FBN2: variants seen among roughly 807,000 people sequenced by gnomAD.
The protein encoded by FBN2 is fibrillin 2.
Under a neutral mutation model 355.6 loss-of-function variants are expected in FBN2, and 105 were observed. That is an observed-to-expected ratio of 0.30 (90% CI 0.25 to 0.35). FBN2 has a LOEUF of 0.35. FBN2 is among the 10% of genes least tolerant of loss of function. The pLI, the probability that FBN2 is intolerant of heterozygous loss-of-function variation, is 1.00. For missense variants in FBN2, 3,280 were observed against 3,758.7 expected, an observed-to-expected ratio of 0.87 and a Z score of 3.33; for synonymous variants, 1,350 against 1,301.2, an observed-to-expected ratio of 1.04 and a Z score of -0.81.
At chr5:128,335,424 G>A in intron 29 of FBN2, 31 bp downstream of exon 29, 3 of 1,613,902 alleles carry the variant, frequency 1.9e-6, no homozygotes, top group South Asian at 2.2e-5. Context: ...TTAGTTAGAT[G>A]TACAAAACCT....
In FBN2 at chr5:128,320,216, T is replaced by C. The variant is rs1465318788; in HGVS notation, c.4472-1215A>G. On this transcript the variant is annotated intron_variant, in intron 34 of 64. Transcript: ENST00000262464. ...GGAATTGTATTATTATCCTTCTGAC[T>C]ATGCATTTTTTTTTTTTTCAGACAG... 2.7e-5 allele frequency among the ~76,000 whole-genome samples: 4 copies of C among 150,910 alleles called. No individual in the cohort carries two copies. In the South Asian group the frequency reaches 6.4e-4, roughly 24 times the overall value.
chr5:128,278,066 T>G, intron 57 of FBN2, 61 bp from the exon 58 acceptor site: 1 of 1,568,668 alleles, frequency 6.4e-7, no homozygotes, highest in Non-Finnish European at 8.8e-7. Flanking sequence ...TAAAACTGGT[T>G]AGAATCAAAG....
At chr5:128,387,847 A>G (rs923525299) in intron 11 of FBN2, among the ~76,000 whole-genome samples, 1 of 152,100 alleles carries the variant, frequency 6.6e-6, no homozygotes, top group Non-Finnish European at 1.5e-5. Flanking sequence ...TTCTGTAGAT[A>G]TCTGTTGAGT....
At chr5:128,418,271 A>T (rs930256062) in intron 7 of FBN2, among the ~76,000 whole-genome samples, 2 of 152,186 alleles carry the variant, frequency 1.3e-5, no homozygotes, top group African/African-American at 4.8e-5. Context: ...TTTATCAATC[A>T]TGTTTATCTT....
chr5:128,512,439 G>C (rs1451386378), intron 5 of FBN2, among the ~76,000 whole-genome samples: 1 of 150,862 alleles, frequency 6.6e-6, no homozygotes, highest in Non-Finnish European at 1.5e-5. Context: ...CTTGAACCGG[G>C]GAGGCGGAGA....
chr5:128,271,254 C>A (rs1337615923), intron 62 of FBN2, among the ~76,000 whole-genome samples: 1 of 152,164 alleles, frequency 6.6e-6, no homozygotes, highest in South Asian at 2.1e-4. Context: ...ACCACAGTGC[C>A]CCTTTCTGCT....
At chr5:128,390,441 G>C (rs1752481972) in intron 11 of FBN2, among the ~76,000 whole-genome samples, 1 of 152,096 alleles carries the variant, frequency 6.6e-6, no homozygotes, top group South Asian at 2.1e-4. Flanking sequence ...CTTAGCACAG[G>C]TTAAGGCAAT....
rs201071253 is a variant in FBN2 at position 128,311,931 on chromosome 5, G to A, written c.4902C>T (p.Pro1634=). The A allele has an allele frequency of 1.2e-4, 201 of 1,611,324 alleles. No individual in the cohort carries two copies. Among genetic ancestry groups the A allele is most frequent in the Middle Eastern group, 6.6e-4 (4 of 6,076 alleles). ...GGTTAGGTCTGAAGCCTTCACCTCC[G>A]GGACACAGGGTGTAATATTCAGCTA... ...VNSTEYYTLC[P]GGEGFRPNPI... The change falls in exon 38 of 65, where the codon CCC becomes CCT. Residue 1634 remains proline, a synonymous_variant. Transcript: ENST00000262464.
intron 47 of FBN2, among the ~76,000 whole-genome samples, chr5:128,301,170 G>A (rs1276759908): frequency 6.6e-6 from 1 of 152,166 alleles, no homozygotes; most frequent in East Asian, 1.9e-4. Context: ...GACATGGACA[G>A]CCTCAAGCTC....
chr5:128,300,963 A>G, intron 47 of FBN2, 27 bp from the exon 48 acceptor site: 1 of 1,607,774 alleles, frequency 6.2e-7, no homozygotes, highest in Non-Finnish European at 8.5e-7. Context: ...GAGAAAAAAT[A>G]ATTTAAGCAT....
At chr5:128,446,455 A>G (rs1252586780) in intron 7 of FBN2, 26 bp downstream of exon 7, 1 of 1,612,434 alleles carries the variant, frequency 6.2e-7, no homozygotes, top group South Asian at 1.1e-5. Flanking sequence ...ACAATTAGGC[A>G]TGCTTCCCAA....
At chr5:128,432,154 A>G (rs1753644776) in intron 7 of FBN2, among the ~76,000 whole-genome samples, 1 of 152,200 alleles carries the variant, frequency 6.6e-6, no homozygotes, top group Non-Finnish European at 1.5e-5. Context: ...TATTTTAAAA[A>G]TTTAATATGA....
chr5:128,353,092 G>A (rs1295998877), intron 20 of FBN2, among the ~76,000 whole-genome samples: 2 of 151,902 alleles, frequency 1.3e-5, no homozygotes, highest in Non-Finnish European at 2.9e-5. Flanking sequence ...AGGATTGCCT[G>A]AGCCCCGTAG....
chr5:128,431,163 T>C (rs1410185327), intron 7 of FBN2, among the ~76,000 whole-genome samples: 1 of 152,222 alleles, frequency 6.6e-6, no homozygotes, highest in Admixed American at 6.5e-5. Context: ...GTAAGGTAGA[T>C]CTACAAAGAA....
chr5:128,474,884 G>A (rs1014116398), intron 5 of FBN2, among the ~76,000 whole-genome samples: 1 of 152,222 alleles, frequency 6.6e-6, no homozygotes, highest in Admixed American at 6.5e-5. Flanking sequence ...CGTTACTTGA[G>A]AATTCTAGGG....
chr5:128,411,984 C>A (rs1753081521), intron 7 of FBN2, among the ~76,000 whole-genome samples: 1 of 152,138 alleles, frequency 6.6e-6, no homozygotes, highest in South Asian at 2.1e-4. Context: ...TATGTATAAA[C>A]AAGTGTGCCT....
chr5:128,466,916 A>G (rs906955678), intron 5 of FBN2, among the ~76,000 whole-genome samples: 3 of 152,246 alleles, frequency 2.0e-5, no homozygotes, highest in Non-Finnish European at 2.9e-5. Flanking sequence ...GTCATTTTAA[A>G]TAAACATTAA....
intron 5 of FBN2, among the ~76,000 whole-genome samples, chr5:128,477,229 T>A (rs1051229542): frequency 6.6e-6 from 1 of 152,198 alleles, no homozygotes; most frequent in African/African-American, 2.4e-5. Flanking sequence ...ATGTGCTTAG[T>A]GGCTACTGTC....
intron 6 of FBN2, among the ~76,000 whole-genome samples, chr5:128,454,712 A>G (rs1163017466): frequency 6.6e-6 from 1 of 152,230 alleles, no homozygotes; most frequent in Non-Finnish European, 1.5e-5. Context: ...TATGAAAAGA[A>G]CACACACCAG....
Sources: gnomAD v4.1 joint callset for allele counts (sites outside exome capture counted in the v4.1 genomes callset) on GRCh38, gnomAD v4.1.1 for gene constraint, MANE v1.5 for transcripts, NCBI Gene and HGNC (gene_info 2026-07-23, HGNC 2026-07-21) for gene names.